The following HABP2 variants were observed in gnomAD, a reference collection of about 807,000 sequenced individuals.
HABP2 encodes the protein factor VII-activating protease.
HABP2 carries 65 observed loss-of-function variants against 66.5 expected under a neutral mutation model. The ratio of observed to expected loss-of-function variants is 0.98; its 90% CI spans 0.80 to 1.20. The LOEUF is 1.20. Among genes scored for constraint, HABP2 ranks in the 50% most tolerant of loss-of-function variants. HABP2 has a pLI of 0.00. For synonymous variants in HABP2, 263 were observed against 253.9 expected, an observed-to-expected ratio of 1.04 and a Z score of -0.34; for missense variants, 786 against 691.0, an observed-to-expected ratio of 1.14 and a Z score of -1.54.
At chr10:113,571,687 C>T (rs531211272) in intron 2 of HABP2, among the ~76,000 whole-genome samples, 38 of 152,188 alleles carry the variant, frequency 2.5e-4, no homozygotes, top group Non-Finnish European at 4.3e-4. Context: ...AACTTGAGGG[C>T]GCCAGGCCTA....
chr10:113,551,265 T>C (rs1400920265), upstream of HABP2, among the ~76,000 whole-genome samples: 1 of 152,130 alleles, frequency 6.6e-6, no homozygotes, highest in Non-Finnish European at 1.5e-5. Flanking sequence ...ATGGGGACAA[T>C]GGGAAACAAA....
chr10:113,559,902 C>T (rs11575631), intron 1 of HABP2, among the ~76,000 whole-genome samples: 17,126 of 152,252 alleles, frequency 0.11, 1,040 homozygotes, highest in Middle Eastern at 0.14. Context: ...CATAGGTGAT[C>T]GGCGTCAGAG....
intron 1 of HABP2, among the ~76,000 whole-genome samples, chr10:113,562,441 C>CT (rs11396673): frequency 0.2 from 24,227 of 121,452 alleles, 3,148 homozygotes; most frequent in East Asian, 0.48. Context: ...ATTGGATAAG[C>CT]TTTTTTTTTT....
chr10:113,588,635 A>C lies in HABP2; in HGVS notation c.*266A>C. Reference sequence around the variant, plus strand: ...ATGTTTGCTTTCCTTACCCAATTGTACCTTCTAGAAAATCAGTGTTCACAG... The same window carrying C: ...ATGTTTGCTTTCCTTACCCAATTGTCCCTTCTAGAAAATCAGTGTTCACAG... On this transcript the variant is annotated 3_prime_UTR_variant, in exon 13 of 13. Coordinates refer to ENST00000351270, the MANE Select transcript of HABP2 (RefSeq NM_004132.5). 3 of 522,812 alleles carry C rather than the reference A, an allele frequency of 5.7e-6. No individual in the cohort carries two copies. The highest frequency in any genetic ancestry group is 1.0e-5 in the Non-Finnish European group (3 of 298,564). The allele number at this position is 522,812 out of a possible 1,614,324, so 32.4% of individuals were successfully genotyped here.
At position 113,588,414 on chromosome 10, in the gene HABP2, G is replaced by C. The variant is rs1306463794; in HGVS notation, c.*45G>C. ...CAGAGCCCACTCTCCTTGGCACCCT[G>C]ACACCGGGAGGCCTCATGGCCAACA... On this transcript the variant is annotated 3_prime_UTR_variant, in exon 13 of 13. Transcript: ENST00000351270. The C allele has an allele frequency of 1.3e-6, 2 of 1,507,200 alleles. No homozygotes were observed. Among genetic ancestry groups the C allele is most frequent in the South Asian group, 1.3e-5 (1 of 79,734 alleles). The allele number at this position is 1,507,200 out of a possible 1,614,324, so 93.4% of individuals were successfully genotyped here.
chr10:113,586,102 TGCATCC>T lies in HABP2; in HGVS notation c.1518+170_1518+175del, dbSNP rs1845628715. Among the ~76,000 whole-genome samples, 3 of 152,354 alleles carry T rather than the reference TGCATCC, an allele frequency of 2.0e-5. No homozygotes were observed. The East Asian group carries it at 5.8e-4, about 29-fold the overall frequency. ...CTGCCCCCTGGCCCTCTGGTGCATCTGCATCCGCATCAACCCAGGATGACTCAGCAT... is the reference window on the plus strand; with the variant it reads ...CTGCCCCCTGGCCCTCTGGTGCATCTGCATCAACCCAGGATGACTCAGCAT... On this transcript the variant is annotated intron_variant, in intron 12 of 12. Transcript: ENST00000351270.
At chr10:113,552,932 G>C, upstream of HABP2, 2 of 535,588 alleles carry the variant, frequency 3.7e-6, no homozygotes, top group Non-Finnish European at 6.7e-6. Context: ...CCCCAAAGTT[G>C]CCATTTGTTT....
chr10:113,572,409 G>A (rs891640736), intron 2 of HABP2, among the ~76,000 whole-genome samples: 1 of 152,166 alleles, frequency 6.6e-6, no homozygotes. Flanking sequence ...AGATTAGCTG[G>A]TCTGACTGCC....
Position 113,582,147 on chromosome 10 carries a change from A to T in HABP2, c.1094+16A>T. On this transcript the variant is annotated intron_variant, in intron 9 of 12. Transcript: ENST00000351270. ...ACTGCACCGAGTAGGTGCCGCTGGG[A>T]GCAGGGACCAGGGTGGCTTGAGTGG... 6.3e-7 allele frequency: 1 copy of T among 1,593,330 alleles called. No individual in the cohort carries two copies. The highest frequency in any genetic ancestry group is 1.1e-5 in the South Asian group (1 of 89,474).
chr10:113,582,673 C>T (rs552258947), intron 9 of HABP2, among the ~76,000 whole-genome samples: 1 of 152,268 alleles, frequency 6.6e-6, no homozygotes, highest in African/African-American at 2.4e-5. Context: ...CACCAATGAC[C>T]CTTCTGAGTC....
rs1845572735 is a variant in HABP2, at chr10:113,583,223, A to G, written c.1102A>G (p.Thr368Ala). The G allele has an allele frequency of 4.3e-6, 7 of 1,613,938 alleles. No individual in the cohort carries two copies. Among genetic ancestry groups the G allele is most frequent in the Non-Finnish European group, 5.9e-6 (7 of 1,179,900 alleles). Reference protein sequence around the residue: ...LTAAHCTDIKTRHLKVVLGDQ... With the variant: ...LTAAHCTDIKARHLKVVLGDQ... ...TCTCATTTTCCCTTGCAGCATAAAA[A>G]CCAGACATCTAAAGGTGGTGCTAGG... is the stretch of plus-strand genomic sequence containing the variant. Residue 368 changes from threonine (T) to alanine (A), a missense_variant, in exon 10 of 13, where the codon ACC (threonine) becomes GCC (alanine). Transcript: ENST00000351270.
chr10:113,551,363 T>C (rs1407608053), upstream of HABP2, among the ~76,000 whole-genome samples: 1 of 152,148 alleles, frequency 6.6e-6, no homozygotes, highest in Non-Finnish European at 1.5e-5. Flanking sequence ...GAGGAAGTAA[T>C]GTTTGGGCTA....
intron 1 of HABP2, among the ~76,000 whole-genome samples, chr10:113,565,712 T>G (rs904943285): frequency 6.6e-5 from 10 of 152,226 alleles, no homozygotes; most frequent in South Asian, 2.1e-4. Context: ...AATGTCCTTT[T>G]TGCCATTGTT....
Position 113,588,643 on chromosome 10 carries a change from GA to G in HABP2, c.*278del. On this transcript the variant is annotated 3_prime_UTR_variant, in exon 13 of 13. Transcript: ENST00000351270. ...TTTCCTTACCCAATTGTACCTTCTA[GA>G]AAATCAGTGTTCACAGAGACTGCCT... 1.9e-6 allele frequency: 1 copy of G among 519,452 alleles called. No individual in the cohort carries two copies. The highest frequency in any genetic ancestry group is 3.4e-6 in the Non-Finnish European group (1 of 296,750). 32.2% of individuals were successfully genotyped at this position (519,452 alleles called of 1,614,324 possible). A position where few individuals can be genotyped will look rare whatever the true frequency, so the allele number is the denominator to read the frequency against.
intron 1 of HABP2, among the ~76,000 whole-genome samples, chr10:113,558,528 T>C (rs568880492): frequency 2.0e-4 from 30 of 152,336 alleles, no homozygotes; most frequent in African/African-American, 4.8e-4. Context: ...CCTGGTGGGA[T>C]TGGAAGGCTT....
chr10:113,562,171 G>A lies in HABP2; in HGVS notation c.70-5318G>A, dbSNP rs114375935. Among the ~76,000 whole-genome samples the A allele has an allele frequency of 9.1e-3, 1,392 of 152,312 alleles. 20 individuals carry two copies. The highest frequency in any genetic ancestry group is 0.032 in the African/African-American group (1,333 of 41,558). On this transcript the variant is annotated intron_variant, in intron 1 of 12. Transcript: ENST00000351270. Reference sequence around the variant, plus strand: ...TACTACAAAGCAGCTACCTTACCATGTGCAGAAGCAGCAGCGTCCACCCTT... The same window carrying A: ...TACTACAAAGCAGCTACCTTACCATATGCAGAAGCAGCAGCGTCCACCCTT...
rs1564683695 is a variant in HABP2, at chr10:113,588,340, G to A, written c.1654G>A (p.Ala552Thr). ...TACCAAATTCCTGAATTGGATCAAA[G>A]CCACCATCAAAAGTGAAAGTGGCTT... ...QVTKFLNWIKATIKSESGF is the reference protein window; with the variant it reads ...QVTKFLNWIKTTIKSESGF Residue 552 changes from alanine (A) to threonine (T), a missense_variant, in exon 13 of 13, where the codon GCC (alanine) becomes ACC (threonine). Physicochemically the swap from Ala to Thr is moderately conservative, Grantham distance 58 (BLOSUM62 0). Transcript: ENST00000351270. 1 of 1,613,522 alleles carries A rather than the reference G, an allele frequency of 6.2e-7. No individual in the cohort carries two copies. Among genetic ancestry groups the A allele is most frequent in the South Asian group, 1.1e-5 (1 of 90,968 alleles).
In HABP2 at chr10:113,584,231, T is replaced by C; in HGVS notation, c.1321T>C (p.Phe441Leu). The C allele has an allele frequency of 6.2e-7, 1 of 1,613,724 alleles. No individual in the cohort carries two copies. Among genetic ancestry groups the C allele is most frequent in the Non-Finnish European group, 8.5e-7 (1 of 1,179,586 alleles). ...VKTVCLPDGS[F>L]PSGSECHISG... ...GACTGTGTGCTTGCCTGATGGGTCCTTTCCCTCTGGGAGTGAGTGCCACAT... is the reference window on the plus strand; with the variant it reads ...GACTGTGTGCTTGCCTGATGGGTCCCTTCCCTCTGGGAGTGAGTGCCACAT... Residue 441 changes from phenylalanine (F) to leucine (L), a missense_variant, in exon 11 of 13, where the codon TTT (phenylalanine) becomes CTT (leucine). By Grantham distance (22) the Phe-to-Leu change is conservative (BLOSUM62 0). Transcript: ENST00000351270.
chr10:113,558,853 T>A (rs533658251), intron 1 of HABP2, among the ~76,000 whole-genome samples: 19 of 152,098 alleles, frequency 1.2e-4, no homozygotes, highest in Admixed American at 1.2e-3. Context: ...CACTTGCTTG[T>A]CTTAATTTTT....
Sources: allele counts gnomAD v4.1 joint callset (sites outside exome capture counted in the v4.1 genomes callset), GRCh38; gene constraint gnomAD v4.1.1; transcripts MANE v1.5; gene names NCBI Gene and HGNC (gene_info 2026-07-23, HGNC 2026-07-21).